Variants in FAM120A observed in about 807,000 individuals in gnomAD.
The protein encoded by FAM120A is family with sequence similarity 120 member A.
A neutral mutation model predicts 109.7 loss-of-function variants in FAM120A; 15 were observed. That is an observed-to-expected ratio of 0.14 (90% CI 0.09 to 0.21). The LOEUF (loss-of-function observed/expected upper bound fraction) is 0.21. FAM120A is among the 10% of genes least tolerant of loss of function. The pLI, the probability that FAM120A is intolerant of heterozygous loss-of-function variation, is 1.00. For missense variants in FAM120A, 899 were observed against 1,439.3 expected (o/e 0.62, Z 6.07); for synonymous variants, 493 against 572.8 (o/e 0.86, Z 1.99).
At position 93,507,314 on chromosome 9, in the gene FAM120A, C is replaced by T. The variant is rs145063615; in HGVS notation, c.1031-8353C>T. On this transcript the variant is annotated intron_variant, in intron 5 of 17. Transcript: ENST00000277165. ...TTATAGAAGCTCAATGAAAAGAATTCGGGGGAAATGGCTCCCAGAGTTTTG... is the reference window on the plus strand; with the variant it reads ...TTATAGAAGCTCAATGAAAAGAATTTGGGGGAAATGGCTCCCAGAGTTTTG... Among the ~76,000 whole-genome samples, 7 of 152,178 alleles carry T rather than the reference C, an allele frequency of 4.6e-5. No homozygotes were observed. In the East Asian group the frequency reaches 7.7e-4, roughly 17 times the overall value.
At position 93,458,227 on chromosome 9, in the gene FAM120A, G is replaced by A. The variant is rs77270874; in HGVS notation, c.474+5838G>A. On this transcript the variant is annotated intron_variant, in intron 1 of 17. Coordinates refer to ENST00000277165, the MANE Select transcript of FAM120A (RefSeq NM_014612.5). ...CTTTAGATACTCCAGAGCTTGGACCGTATAATTAGTGAGAAAAGTGACCCC... is the reference window on the plus strand; with the variant it reads ...CTTTAGATACTCCAGAGCTTGGACCATATAATTAGTGAGAAAAGTGACCCC... Among the ~76,000 whole-genome samples, 808 of 151,842 alleles carry A rather than the reference G, an allele frequency of 5.3e-3. 12 individuals carry two copies. Among genetic ancestry groups the A allele is most frequent in the African/African-American group, 0.019 (776 of 41,180 alleles).
chr9:93,475,271 A>G (rs1858499540), intron 2 of FAM120A, among the ~76,000 whole-genome samples: 1 of 152,230 alleles, frequency 6.6e-6, no homozygotes, highest in South Asian at 2.1e-4. Context: ...GACCCATCTT[A>G]TGAGCACAGG....
chr9:93,536,949 G>A (rs7030805), intron 10 of FAM120A, among the ~76,000 whole-genome samples: 2,405 of 152,296 alleles, frequency 0.016, 47 homozygotes, highest in Middle Eastern at 0.031. Context: ...AGTGGTGCAC[G>A]TAGAAGAGAA....
chr9:93,469,395 G>A (rs1404540890), intron 1 of FAM120A, among the ~76,000 whole-genome samples: 1 of 152,360 alleles, frequency 6.6e-6, no homozygotes, highest in East Asian at 1.9e-4. Context: ...CAAGAAGGGA[G>A]TGGTCACTTA....
intron 9 of FAM120A, 162 bp downstream of exon 9, chr9:93,529,742 C>T: frequency 1.4e-6 from 1 of 693,828 alleles, no homozygotes; most frequent in East Asian, 2.7e-5. Context: ...GAAAGATGAA[C>T]ATTTATAACT....
At chr9:93,558,308 A>C (rs1280691031) in intron 14 of FAM120A, among the ~76,000 whole-genome samples, 3 of 152,242 alleles carry the variant, frequency 2.0e-5, no homozygotes, top group African/African-American at 7.2e-5. Flanking sequence ...AAACCCACCC[A>C]GGTCAGAGAG....
intron 10 of FAM120A, among the ~76,000 whole-genome samples, chr9:93,533,639 A>C (rs1439403322): frequency 1.3e-5 from 2 of 152,188 alleles, no homozygotes; most frequent in Non-Finnish European, 2.9e-5. Flanking sequence ...TACTTTGCAC[A>C]TGGCTGGTCA....
At chr9:93,558,538 T>A in intron 14 of FAM120A, 43 bp from the exon 15 acceptor site, 1 of 1,608,892 alleles carries the variant, frequency 6.2e-7, no homozygotes. Flanking sequence ...CTGAGTCCTG[T>A]CCCTTACACT....
chr9:93,458,312 C>T (rs12553275), intron 1 of FAM120A, among the ~76,000 whole-genome samples: 9,609 of 151,426 alleles, frequency 0.063, 448 homozygotes, highest in African/African-American at 0.13. Context: ...ACCGTCTGTC[C>T]CCTGCTTGCC....
chr9:93,534,526 A>G (rs766846036), intron 10 of FAM120A, among the ~76,000 whole-genome samples: 1 of 152,190 alleles, frequency 6.6e-6, no homozygotes, highest in Non-Finnish European at 1.5e-5. Context: ...TGGTGGCAGC[A>G]GGTGGCACTG....
At chr9:93,510,660 T>C (rs185706205) in intron 5 of FAM120A, among the ~76,000 whole-genome samples, 4 of 152,272 alleles carry the variant, frequency 2.6e-5, no homozygotes, top group African/African-American at 7.2e-5. Flanking sequence ...TATGAGTGTG[T>C]GTAGAAACAG....
intron 5 of FAM120A, among the ~76,000 whole-genome samples, chr9:93,505,051 GTTTT>G (rs768552939): frequency 1.2e-5 from 1 of 81,318 alleles, no homozygotes; most frequent in Non-Finnish European, 2.2e-5. Context: ...GTTCGCTTGT[GTTTT>G]TTTTTTTTTT....
rs181807250 is a variant in FAM120A, at chr9:93,544,279, C to T, written c.2159+808C>T. Among the ~76,000 whole-genome samples, 49 of 152,322 alleles carry T rather than the reference C, an allele frequency of 3.2e-4. No individual in the cohort carries two copies. The East Asian group carries it at 5.4e-3, about 17-fold the overall frequency. On this transcript the variant is annotated intron_variant, in intron 11 of 17. Transcript: ENST00000277165. ...TTTGCCCTACAAGATGCTTCAGGCA[C>T]GCTTTGTGTTTCCCTGCTCCAGCAT...
At chr9:93,468,592 A>G (rs1267838159) in intron 1 of FAM120A, among the ~76,000 whole-genome samples, 4 of 152,110 alleles carry the variant, frequency 2.6e-5, no homozygotes, top group Non-Finnish European at 5.9e-5. Context: ...TTTTCTTTCC[A>G]GCCTTTTACC....
In FAM120A at chr9:93,557,843, A is replaced by G. The variant is rs766654081; in HGVS notation, c.2501A>G (p.Lys834Arg). The G allele has an allele frequency of 5.6e-6, 9 of 1,613,834 alleles. No individual in the cohort carries two copies. The highest frequency in any genetic ancestry group is 1.1e-5 in the South Asian group (1 of 91,064). ...GTCTTCCAGGCTGATCAGGCTGCCA[A>G]GGTAGAGAAGATGCGCCAGAGCGTC... ...LCDGQADQAA[K>R]VEKMRQSVLE... The change falls in exon 14 of 18, where the codon AAG becomes AGG. Residue 834 changes from lysine (K) to arginine (R), a missense_variant. Physicochemically the swap from Lys to Arg is conservative, Grantham distance 26. Coordinates refer to ENST00000277165, the MANE Select transcript of FAM120A (RefSeq NM_014612.5).
chr9:93,451,756 C>T lies in FAM120A; in HGVS notation c.-160C>T. 20 of 982,770 alleles carry T rather than the reference C, an allele frequency of 2.0e-5. No individual in the cohort carries two copies. Among genetic ancestry groups the T allele is most frequent in the Non-Finnish European group, 2.3e-5 (19 of 829,970 alleles). The allele number at this position is 982,770 out of a possible 1,614,324, so 60.9% of individuals were successfully genotyped here. A position where few individuals can be genotyped will look rare whatever the true frequency, so the allele number is the denominator to read the frequency against. On this transcript the variant is annotated 5_prime_UTR_variant, in exon 1 of 18. Coordinates refer to ENST00000277165, the MANE Select transcript of FAM120A (RefSeq NM_014612.5). The stretch of plus-strand genomic sequence containing the variant: ...CAGACATGGCCCTGGGAGGCGGCAG[C>T]ACATGGCGGCCGCGGCGGCCATGAG...
At chr9:93,462,887 C>G (rs866278001) in intron 1 of FAM120A, among the ~76,000 whole-genome samples, 4 of 152,302 alleles carry the variant, frequency 2.6e-5, no homozygotes, top group Middle Eastern at 3.4e-3. Flanking sequence ...GGCTCAATAA[C>G]ATTCTGTTGT....
In FAM120A at chr9:93,499,883, A is replaced by G. The variant is rs528976012; in HGVS notation, c.1030+997A>G. ...AGTGGCCTTAAGAGCTGCACCCTTCATTTATTCAAGCATAGTGTCTGCTGT... is the reference window on the plus strand; with the variant it reads ...AGTGGCCTTAAGAGCTGCACCCTTCGTTTATTCAAGCATAGTGTCTGCTGT... On this transcript the variant is annotated intron_variant, in intron 5 of 17. Coordinates refer to ENST00000277165, the MANE Select transcript of FAM120A (RefSeq NM_014612.5). 2.6e-5 allele frequency among the ~76,000 whole-genome samples: 4 copies of G among 152,366 alleles called. No homozygotes were observed. The South Asian group carries it at 8.3e-4, about 32-fold the overall frequency.
At chr9:93,469,689 T>C (rs1858222185) in intron 1 of FAM120A, among the ~76,000 whole-genome samples, 1 of 152,222 alleles carries the variant, frequency 6.6e-6, no homozygotes, top group African/African-American at 2.4e-5. Context: ...ACAGCATTTC[T>C]TATTCTAAAG....
Sources: gnomAD v4.1 joint callset for allele counts (sites outside exome capture counted in the v4.1 genomes callset) on GRCh38, gnomAD v4.1.1 for gene constraint, MANE v1.5 for transcripts, NCBI Gene and HGNC (gene_info 2026-07-23, HGNC 2026-07-21) for gene names.